The following COL21A1 variants were observed in gnomAD, a reference collection of about 807,000 sequenced individuals.
The protein encoded by COL21A1 is collagen type XXI alpha 1 chain, also known as collagen alpha-1(XXI) chain.
A neutral mutation model predicts 137.9 loss-of-function variants in COL21A1; 149 were observed. That is an observed-to-expected ratio of 1.08 (90% CI 0.95 to 1.24). The LOEUF (loss-of-function observed/expected upper bound fraction) is 1.24. Ranked by LOEUF, COL21A1 falls within the 50% of genes most tolerant of loss-of-function variation. The pLI is 0.00. For synonymous variants in COL21A1, 456 were observed against 391.5 expected (o/e 1.16, Z -1.95); for missense variants, 1,167 against 1,158.4 (o/e 1.01, Z -0.11).
Position 56,231,972 on chromosome 6 carries a change from A to G in COL21A1, c.-39+15415T>C, listed in dbSNP as rs375040908. Among the ~76,000 whole-genome samples, 17 of 152,004 alleles carry G rather than the reference A, an allele frequency of 1.1e-4. 1 individual carries two copies. Among genetic ancestry groups the G allele is most frequent in the African/African-American group, 4.1e-4 (17 of 41,520 alleles). ...AGTATATGGTTTAGGACTCCAACAT[A>G]TGAGATTTCTTAAACTATTTGACAT... is the stretch of plus-strand genomic sequence containing the variant. On this transcript the variant is annotated intron_variant, in intron 1 of 29. Transcript: ENST00000244728.
chr6:56,077,557 G>A lies in COL21A1; in HGVS notation c.1829C>T (p.Pro610Leu). ...TTGGCCCATTAATCCTCGGTTTCCA[G>A]GAAATCCTGGGATTCCCTAAAAACA... ...TRGEPGIPGF[P>L]GNRGLMGQKG... The change falls in exon 18 of 30, where the codon CCT (proline) becomes CTT (leucine). Residue 610 changes from proline (P) to leucine (L), a missense_variant. By Grantham distance (98) the Pro-to-Leu change is moderately conservative. Coordinates refer to ENST00000244728, the MANE Select transcript of COL21A1 (RefSeq NM_030820.4). The A allele has an allele frequency of 6.4e-7, 1 of 1,573,470 alleles. No individual in the cohort carries two copies. Among genetic ancestry groups the A allele is most frequent in the Non-Finnish European group, 8.6e-7 (1 of 1,158,240 alleles).
At chr6:56,382,998 C>T (rs2094011331) in intron 1 of COL21A1, among the ~76,000 whole-genome samples, 1 of 152,176 alleles carries the variant, frequency 6.6e-6, no homozygotes, top group Non-Finnish European at 1.5e-5. Flanking sequence ...TTGCTAATAA[C>T]TTCCTCCTCC....
At chr6:56,377,241 G>A (rs766509764) in intron 1 of COL21A1, among the ~76,000 whole-genome samples, 4 of 151,968 alleles carry the variant, frequency 2.6e-5, no homozygotes, top group East Asian at 1.9e-4. Context: ...CACCCACCTC[G>A]GCCTCCCAAA....
chr6:56,222,709 G>A (rs763135852), intron 1 of COL21A1, among the ~76,000 whole-genome samples: 10 of 152,014 alleles, frequency 6.6e-5, no homozygotes, highest in Non-Finnish European at 1.0e-4. Flanking sequence ...GTGGCTTTCA[G>A]CCTAGAGGAT....
At chr6:56,163,192 A>G (rs189528265) in intron 9 of COL21A1, among the ~76,000 whole-genome samples, 142 of 152,374 alleles carry the variant, frequency 9.3e-4, no homozygotes, top group African/African-American at 3.1e-3. Context: ...TTTAACAAAA[A>G]TGATTATGGT....
At chr6:56,288,410 C>T (rs560127455) in intron 1 of COL21A1, among the ~76,000 whole-genome samples, 14 of 151,978 alleles carry the variant, frequency 9.2e-5, no homozygotes, top group South Asian at 4.2e-4. Flanking sequence ...ACAATTATAG[C>T]GAAATCATAA....
chr6:56,240,657 T>A (rs1169593340), intron 1 of COL21A1, among the ~76,000 whole-genome samples: 1 of 152,106 alleles, frequency 6.6e-6, no homozygotes, highest in Admixed American at 6.6e-5. Flanking sequence ...TGCTTTTAAC[T>A]AAGAAAAATA....
intron 1 of COL21A1, among the ~76,000 whole-genome samples, chr6:56,272,973 T>A (rs1582748273): frequency 6.6e-6 from 1 of 152,188 alleles, no homozygotes; most frequent in South Asian, 2.1e-4. Flanking sequence ...ATCAAACACA[T>A]GCTTGGTCAT....
intron 17 of COL21A1, among the ~76,000 whole-genome samples, chr6:56,098,537 A>G (rs1347597277): frequency 3.7e-5 from 1 of 27,006 alleles, no homozygotes; most frequent in African/African-American, 1.8e-4. Flanking sequence ...AAATATATAT[A>G]TAAATATATA....
At chr6:56,317,165 C>T (rs562262804) in intron 1 of COL21A1, among the ~76,000 whole-genome samples, 7 of 152,212 alleles carry the variant, frequency 4.6e-5, no homozygotes, top group African/African-American at 1.7e-4. Flanking sequence ...AACCTTGGTT[C>T]GCTTATAGAC....
At chr6:56,182,393 G>A (rs892597256) in intron 2 of COL21A1, 138 bp downstream of exon 2, 24 of 616,702 alleles carry the variant, frequency 3.9e-5, no homozygotes, top group Non-Finnish European at 6.3e-5. Context: ...GAGTAACATA[G>A]CAATTCATTT....
intron 1 of COL21A1, among the ~76,000 whole-genome samples, chr6:56,299,438 G>A (rs1459169919): frequency 6.6e-6 from 1 of 152,080 alleles, no homozygotes; most frequent in Non-Finnish European, 1.5e-5. Flanking sequence ...GTAGTTAAAA[G>A]TGGCAGAAAG....
intron 16 of COL21A1, among the ~76,000 whole-genome samples, chr6:56,114,959 G>A (rs1322533107): frequency 2.0e-5 from 3 of 151,140 alleles, no homozygotes; most frequent in Non-Finnish European, 4.4e-5. Context: ...TTAAGAAAAT[G>A]TGGCACATAT....
chr6:56,291,600 C>G (rs535427502), intron 1 of COL21A1, among the ~76,000 whole-genome samples: 1 of 152,296 alleles, frequency 6.6e-6, no homozygotes, highest in East Asian at 1.9e-4. Context: ...CAAAGCAGAG[C>G]TTAGGAGGGT....
At chr6:56,273,278 A>G (rs2152332760) in intron 1 of COL21A1, among the ~76,000 whole-genome samples, 2 of 152,356 alleles carry the variant, frequency 1.3e-5, no homozygotes, top group Middle Eastern at 3.4e-3. Flanking sequence ...ACCTTCATCG[A>G]GAAGTTAGAA....
chr6:56,124,053 T>TA lies in COL21A1; in HGVS notation c.1758+8dup. On this transcript the variant is annotated intron_variant, in intron 16 of 29. Transcript: ENST00000244728. ...TTTGTTTTGTCCTTTTTTTTTTTTT[T>TA]ATAAATACCTTGAAACCGGGACTAC... 6.7e-7 allele frequency: 1 copy of TA among 1,487,840 alleles called. No individual in the cohort carries two copies. The highest frequency in any genetic ancestry group is 8.9e-7 in the Non-Finnish European group (1 of 1,123,364). 92.2% of individuals were successfully genotyped at this position (1,487,840 alleles called of 1,614,324 possible). A position where few individuals can be genotyped will look rare whatever the true frequency, so the allele number is the denominator to read the frequency against.
At chr6:56,190,207 A>G (rs1325356927) in intron 1 of COL21A1, among the ~76,000 whole-genome samples, 1 of 152,180 alleles carries the variant, frequency 6.6e-6, no homozygotes, top group Non-Finnish European at 1.5e-5. Flanking sequence ...AAGACTAATA[A>G]AGAAGAAAAG....
At chr6:56,098,080 A>T (rs1356711364) in intron 17 of COL21A1, among the ~76,000 whole-genome samples, 2 of 4,034 alleles carry the variant, frequency 5.0e-4, no homozygotes, top group Non-Finnish European at 7.3e-4. Context: ...AATATATATA[A>T]ATATAAATAT....
intron 15 of COL21A1, 31 bp downstream of exon 15, chr6:56,124,208 A>T: frequency 6.4e-7 from 1 of 1,570,256 alleles, no homozygotes; most frequent in Non-Finnish European, 8.6e-7. Flanking sequence ...TTTAAAGCAA[A>T]ATACTAAGAG....
Sources: gnomAD v4.1 joint callset for allele counts (sites outside exome capture counted in the v4.1 genomes callset) on GRCh38, gnomAD v4.1.1 for gene constraint, MANE v1.5 for transcripts, NCBI Gene and HGNC (gene_info 2026-07-23, HGNC 2026-07-21) for gene names.